The following OPA1 variants were observed in gnomAD, a reference collection of about 807,000 sequenced individuals.
OPA1 encodes dynamin-like GTPase OPA1, mitochondrial.
A neutral mutation model predicts 152.9 loss-of-function variants in OPA1; 59 were observed. The observed-to-expected ratio is 0.39, with a 90% confidence interval of 0.31 to 0.48. The LOEUF (loss-of-function observed/expected upper bound fraction) is 0.48, where lower values mean the gene tolerates loss of function less well. OPA1 is among the 20% of genes least tolerant of loss of function. The pLI, the probability that OPA1 is intolerant of heterozygous loss-of-function variation, is 0.96. For synonymous variants in OPA1, 400 were observed against 389.9 expected (o/e 1.03, Z -0.31); for missense variants, 1,008 against 1,216.8 (o/e 0.83, Z 2.55).
rs577232523 is a variant in OPA1, at chr3:193,607,899, A to G, written c.33-6824A>G. 2.0e-5 allele frequency among the ~76,000 whole-genome samples: 3 copies of G among 152,182 alleles called. No homozygotes were observed. The South Asian group carries it at 6.2e-4, about 32-fold the overall frequency. On this transcript the variant is annotated intron_variant, in intron 1 of 30. Coordinates refer to ENST00000361510, the MANE Select transcript of OPA1 (RefSeq NM_130837.3). ...TGATTCTTCCTACCCATGAGCATGG[A>G]ATGTTCTTCCATTTGTTTGTATCCT...
chr3:193,675,600 T>C (rs534133673), intron 29 of OPA1, among the ~76,000 whole-genome samples: 1 of 152,264 alleles, frequency 6.6e-6, no homozygotes, highest in South Asian at 2.1e-4. Flanking sequence ...CACCTGCTTA[T>C]TTACCTTCCT....
At chr3:193,633,752 C>CACTT (rs1732478598) in intron 8 of OPA1, among the ~76,000 whole-genome samples, 1 of 152,148 alleles carries the variant, frequency 6.6e-6, no homozygotes, top group African/African-American at 2.4e-5. Flanking sequence ...AGGTATTTTA[C>CACTT]ACTTACAGCA....
At chr3:193,607,056 A>G (rs1727402146) in intron 1 of OPA1, among the ~76,000 whole-genome samples, 1 of 152,172 alleles carries the variant, frequency 6.6e-6, no homozygotes. Context: ...TTGGCTGCAT[A>G]AATGTCTTCT....
intron 6 of OPA1, chr3:193,624,404 G>A (rs1188599079): frequency 6.6e-6 from 1 of 152,152 alleles, no homozygotes; most frequent in African/African-American, 2.4e-5. Flanking sequence ...ACCAACATAG[G>A]AAGCCTTCTT....
chr3:193,660,700 TA>T (rs1240176406), intron 25 of OPA1, among the ~76,000 whole-genome samples: 1 of 151,748 alleles, frequency 6.6e-6, no homozygotes, highest in African/African-American at 2.4e-5. Context: ...GTTTCTTTAC[TA>T]TTTTTTTTTT....
At position 193,692,107 on chromosome 3, in the gene OPA1, G is replaced by T; in HGVS notation, c.3028G>T (p.Ala1010Ser). The change falls in exon 30 of 31, where the codon GCT becomes TCT. Residue 1010 changes from alanine to serine, a missense_variant. Ala to Ser is a moderately conservative substitution (Grantham distance 99). Around this residue, in one of 7 missense-constraint regions of OPA1, gnomAD observed 137 missense variants for 171.0 expected, o/e 0.80. Transcript: ENST00000361510. The part of the protein sequence containing the change: ...IQEKLDAFIE[A>S]LHQEK ...AGAAAAACTTGATGCTTTCATTGAA[G>T]CTCTTCATCAGGAGAAATAAATTAA... 6.5e-7 allele frequency: 1 copy of T among 1,550,014 alleles called. No homozygotes were observed.
intron 1 of OPA1, among the ~76,000 whole-genome samples, chr3:193,605,233 A>T (rs996335835): frequency 4.6e-5 from 7 of 152,238 alleles, no homozygotes; most frequent in Non-Finnish European, 7.3e-5. Flanking sequence ...ATCAGTGGGT[A>T]CATTAGGTTA....
intron 29 of OPA1, among the ~76,000 whole-genome samples, chr3:193,686,800 T>TA (rs1270352927): frequency 6.6e-6 from 1 of 152,206 alleles, no homozygotes; most frequent in African/African-American, 2.4e-5. Flanking sequence ...GAGGGTGTCT[T>TA]AAAGCTTAAC....
chr3:193,637,328 G>A, intron 10 of OPA1, 47 bp downstream of exon 10: 2 of 1,201,412 alleles, frequency 1.7e-6, no homozygotes, highest in South Asian at 1.2e-5. Flanking sequence ...AAAAAAAGAA[G>A]CAGCTTAGCT....
chr3:193,655,213 A>G (rs1418061276), intron 22 of OPA1, among the ~76,000 whole-genome samples, 186 bp downstream of exon 22: 1 of 152,186 alleles, frequency 6.6e-6, no homozygotes, highest in Non-Finnish European at 1.5e-5. Context: ...CTACGGTTAT[A>G]AAAATTTACT....
chr3:193,668,102 A>T (rs571148529), intron 29 of OPA1, among the ~76,000 whole-genome samples: 1 of 152,160 alleles, frequency 6.6e-6, no homozygotes, highest in African/African-American at 2.4e-5. Flanking sequence ...AATCATGTGT[A>T]TATTTATTTA....
At chr3:193,638,123 C>T in intron 11 of OPA1, 58 bp downstream of exon 11, 1 of 1,175,232 alleles carries the variant, frequency 8.5e-7, no homozygotes, top group East Asian at 2.3e-5. Flanking sequence ...TTCAGTGAGA[C>T]CTGTTCATTG....
chr3:193,643,157 T>C (rs991882166), intron 13 of OPA1, 108 bp downstream of exon 13: 12 of 968,242 alleles, frequency 1.2e-5, no homozygotes, highest in Non-Finnish European at 1.9e-5. Flanking sequence ...TATCTAGATA[T>C]GTAGAGCTTT....
At chr3:193,617,733 A>T in intron 4 of OPA1, 51 bp from the exon 5 acceptor site, 1 of 1,360,408 alleles carries the variant, frequency 7.4e-7, no homozygotes, top group Non-Finnish European at 1.1e-6. Flanking sequence ...TTGTTTGCTC[A>T]TTTCTGTTAA....
At chr3:193,618,714 T>G (rs1729483742) in intron 5 of OPA1, 155 bp from the exon 6 acceptor site, 3 of 668,020 alleles carry the variant, frequency 4.5e-6, no homozygotes, top group Non-Finnish European at 8.0e-6. Flanking sequence ...TTATCAGTCA[T>G]GTTCCTTAAA....
rs1187692700 is a variant in OPA1 at position 193,694,609 on chromosome 3, C to T, written c.*9C>T. The T allele has an allele frequency of 6.6e-6, 1 of 152,254 alleles. No homozygotes were observed. The highest frequency in any genetic ancestry group is 1.9e-4 in the East Asian group (1 of 5,178). The allele number at this position is 152,254 out of a possible 1,614,324, so 9.4% of individuals were successfully genotyped here. On this transcript the variant is annotated 3_prime_UTR_variant, in exon 31 of 31. Transcript: ENST00000361510. ...TTAAATGGGTTTATTTTTACAGAATCGTACTCATAATCAGCTCTGCATACA... is the reference window on the plus strand; with the variant it reads ...TTAAATGGGTTTATTTTTACAGAATTGTACTCATAATCAGCTCTGCATACA...
At chr3:193,675,511 T>TC (rs1446457777) in intron 29 of OPA1, among the ~76,000 whole-genome samples, 1 of 151,986 alleles carries the variant, frequency 6.6e-6, no homozygotes, top group African/African-American at 2.4e-5. Flanking sequence ...GGCAACCTTT[T>TC]CCCTTTCTTT....
At chr3:193,685,259 G>A (rs6444739) in intron 29 of OPA1, among the ~76,000 whole-genome samples, 64,230 of 150,934 alleles carry the variant, frequency 0.43, 13,902 homozygotes, top group Non-Finnish European at 0.44. Flanking sequence ...CCGAGATTGC[G>A]CCACTGCACT....
At chr3:193,599,188 T>C (rs1726074212) in intron 1 of OPA1, among the ~76,000 whole-genome samples, 2 of 152,226 alleles carry the variant, frequency 1.3e-5, no homozygotes, top group Non-Finnish European at 2.9e-5. Context: ...CTATTTTCTT[T>C]AAATTAATGT....
Sources: allele counts gnomAD v4.1 joint callset (sites outside exome capture counted in the v4.1 genomes callset), GRCh38; gene constraint gnomAD v4.1.1; regional missense constraint gnomAD v4.1.1; transcripts MANE v1.5; gene names NCBI Gene and HGNC (gene_info 2026-07-23, HGNC 2026-07-21).